GRIN2A: variants seen among roughly 807,000 people sequenced by gnomAD.
GRIN2A encodes glutamate receptor ionotropic, NMDA 2A.
Under a neutral mutation model 113.4 loss-of-function variants are expected in GRIN2A, and 22 were observed. The observed-to-expected ratio is 0.19, with a 90% CI of 0.14 to 0.28. The LOEUF is 0.28. Ranked by LOEUF, GRIN2A falls within the 10% of genes least tolerant of loss-of-function variation. The pLI, the probability that GRIN2A is intolerant of heterozygous loss-of-function variation, is 1.00. For missense variants in GRIN2A, 1,502 were observed against 1,887.0 expected (o/e 0.80, Z 3.78); for synonymous variants, 827 against 738.4 (o/e 1.12, Z -1.94).
chr16:10,112,477 C>G, intron 2 of GRIN2A: 2 of 874,660 alleles, frequency 2.3e-6, no homozygotes, highest in Non-Finnish European at 3.9e-6. Flanking sequence ...GATGTGGCAT[C>G]CAGACCGTGG....
At chr16:9,889,876 A>G (rs998011432) in intron 4 of GRIN2A, among the ~76,000 whole-genome samples, 11 of 152,168 alleles carry the variant, frequency 7.2e-5, no homozygotes, top group African/African-American at 2.7e-4. Flanking sequence ...TCCAGAATGT[A>G]GTCTACTTTG....
intron 2 of GRIN2A, among the ~76,000 whole-genome samples, chr16:10,161,559 A>G (rs996457610): frequency 7.2e-5 from 11 of 152,238 alleles, no homozygotes; most frequent in Non-Finnish European, 1.2e-4. Context: ...AAAGGCCACA[A>G]AGGGCACAGC....
intron 2 of GRIN2A, among the ~76,000 whole-genome samples, chr16:10,005,885 T>A (rs186480231): frequency 2.0e-5 from 3 of 152,364 alleles, no homozygotes; most frequent in East Asian, 3.9e-4. Context: ...CAACCACATA[T>A]ACACAGTGAC....
chr16:9,834,023 A>T (rs773294422), intron 8 of GRIN2A, 82 bp downstream of exon 8: 45 of 1,357,764 alleles, frequency 3.3e-5, no homozygotes, highest in South Asian at 1.1e-4. Context: ...GGTCTAGAGT[A>T]ATGTGTTCTA....
At chr16:10,069,729 G>T (rs1045549051) in intron 2 of GRIN2A, among the ~76,000 whole-genome samples, 1 of 152,262 alleles carries the variant, frequency 6.6e-6, no homozygotes, top group Non-Finnish European at 1.5e-5. Flanking sequence ...CCCAGCCCAG[G>T]CTGGGAGGGC....
intron 2 of GRIN2A, among the ~76,000 whole-genome samples, chr16:10,048,521 A>G (rs1400526420): frequency 8.5e-5 from 13 of 152,248 alleles, no homozygotes; most frequent in Admixed American, 8.5e-4. Flanking sequence ...TGTTGCCTGC[A>G]AACTGCTTGG....
At chr16:9,871,806 G>A (rs1352032666) in intron 4 of GRIN2A, among the ~76,000 whole-genome samples, 3 of 152,102 alleles carry the variant, frequency 2.0e-5, no homozygotes, top group African/African-American at 7.2e-5. Context: ...AATGATGCAA[G>A]GAAAACTAAG....
In GRIN2A at chr16:9,980,944, A is replaced by T. The variant is rs543790883; in HGVS notation, c.415-42393T>A. Among the ~76,000 whole-genome samples, 571 of 152,068 alleles carry T rather than the reference A, an allele frequency of 3.8e-3. 5 individuals are homozygous for T. The highest frequency in any genetic ancestry group is 0.013 in the African/African-American group (545 of 41,470). ...CATGGCACATGTACACATATGTAAC[A>T]AACCTGCACGTTGTGCACATGTACC... On this transcript the variant is annotated intron_variant, in intron 2 of 12. Transcript: ENST00000330684.
intron 2 of GRIN2A, among the ~76,000 whole-genome samples, chr16:9,981,412 CAT>C (rs1327491462): frequency 6.6e-6 from 1 of 152,176 alleles, no homozygotes. Context: ...AAATGTCAAA[CAT>C]AGAAAACAGA....
At chr16:10,083,824 G>A (rs1289836083) in intron 2 of GRIN2A, among the ~76,000 whole-genome samples, 5 of 152,210 alleles carry the variant, frequency 3.3e-5, no homozygotes, top group South Asian at 4.1e-4. Flanking sequence ...ATTCAGGGCT[G>A]AGTGTGGTGG....
intron 2 of GRIN2A, among the ~76,000 whole-genome samples, chr16:10,030,481 TCTC>T (rs1483231735): frequency 6.6e-6 from 1 of 152,198 alleles, no homozygotes; most frequent in Middle Eastern, 3.4e-3. Context: ...TTGGTTTTGG[TCTC>T]CTGCCTGCAC....
chr16:9,943,110 G>C (rs1190128229), intron 2 of GRIN2A: 1 of 152,240 alleles, frequency 6.6e-6, no homozygotes, highest in Non-Finnish European at 1.5e-5. Context: ...TGATGGTAGA[G>C]GCCACCTCTC....
intron 2 of GRIN2A, among the ~76,000 whole-genome samples, chr16:9,950,193 G>A (rs2045143937): frequency 6.6e-6 from 1 of 152,186 alleles, no homozygotes; most frequent in African/African-American, 2.4e-5. Flanking sequence ...GCTGCTGTCA[G>A]AGATGACTGA....
intron 2 of GRIN2A, among the ~76,000 whole-genome samples, chr16:10,080,954 T>A (rs1171072488): frequency 6.6e-6 from 1 of 152,166 alleles, no homozygotes; most frequent in Non-Finnish European, 1.5e-5. Context: ...GCCTCCCTGT[T>A]AGACTCTGAG....
intron 2 of GRIN2A, among the ~76,000 whole-genome samples, chr16:10,012,915 A>G (rs1372192356): frequency 3.3e-5 from 5 of 152,214 alleles, no homozygotes; most frequent in Non-Finnish European, 7.3e-5. Context: ...AGTTTGCGGT[A>G]ATTTATTTCA....
intron 11 of GRIN2A, among the ~76,000 whole-genome samples, chr16:9,797,333 C>T (rs546899357): frequency 4.5e-4 from 69 of 152,278 alleles, no homozygotes; most frequent in African/African-American, 1.5e-3. Context: ...CTATTTCCTC[C>T]GTGTTGGCAA....
At chr16:10,039,806 G>GAGAGAGAGAGAGAGAGAGAGA (rs1555469296) in intron 2 of GRIN2A, among the ~76,000 whole-genome samples, 5 of 54,560 alleles carry the variant, frequency 9.2e-5, no homozygotes, top group African/African-American at 4.2e-4. Flanking sequence ...GGGGGAGGGG[G>GAGAGAGAGAGAGAGAGAGAGA]GGGAGAAAGA....
At chr16:10,152,143 C>CA (rs2049594039) in intron 2 of GRIN2A, among the ~76,000 whole-genome samples, 2 of 152,208 alleles carry the variant, frequency 1.3e-5, no homozygotes, top group South Asian at 2.1e-4. Flanking sequence ...TAGGACTGCG[C>CA]AAAAAAATCA....
At chr16:9,799,799 A>G (rs1903244767) in intron 10 of GRIN2A, among the ~76,000 whole-genome samples, 1 of 152,210 alleles carries the variant, frequency 6.6e-6, no homozygotes, top group Non-Finnish European at 1.5e-5. Flanking sequence ...TTATTGAGGT[A>G]TAACGTATGT....
Sources: gnomAD v4.1 joint callset for allele counts (sites outside exome capture counted in the v4.1 genomes callset) on GRCh38, gnomAD v4.1.1 for gene constraint, MANE v1.5 for transcripts, NCBI Gene and HGNC (gene_info 2026-07-23, HGNC 2026-07-21) for gene names.